SNTG2: variants seen among roughly 807,000 people sequenced by gnomAD.
SNTG2 encodes the protein gamma-2-syntrophin.
Under a neutral mutation model 70.9 loss-of-function variants are expected in SNTG2, and 74 were observed. The observed-to-expected ratio is 1.04, with a 90% CI of 0.86 to 1.27. The LOEUF (loss-of-function observed/expected upper bound fraction) is 1.27, where lower values mean the gene tolerates loss of function less well. Ranked by LOEUF, SNTG2 falls within the 50% of genes most tolerant of loss-of-function variation. The pLI is 0.00. For missense variants in SNTG2, 717 were observed against 690.7 expected (o/e 1.04, Z -0.43); for synonymous variants, 278 against 273.8 (o/e 1.02, Z -0.15).
intron 9 of SNTG2, 108 bp from the exon 10 acceptor site, chr2:1,237,780 T>C (rs1676764832): frequency 2.9e-6 from 4 of 1,388,348 alleles, no homozygotes; most frequent in Non-Finnish European, 3.8e-6. Flanking sequence ...AGTTGCCCCA[T>C]GTCCTGGGTC....
At chr2:1,114,851 C>T (rs912400286) in intron 4 of SNTG2, among the ~76,000 whole-genome samples, 1 of 151,104 alleles carries the variant, frequency 6.6e-6, no homozygotes, top group African/African-American at 2.4e-5. Flanking sequence ...AAGGTTTAAC[C>T]CTTATAGTCC....
At chr2:1,300,184 C>T (rs1457347932) in intron 14 of SNTG2, among the ~76,000 whole-genome samples, 4 of 152,090 alleles carry the variant, frequency 2.6e-5, no homozygotes, top group African/African-American at 9.7e-5. Context: ...AAGACAGGTG[C>T]CTTAAATGAG....
chr2:993,568 C>A (rs1173513374), intron 1 of SNTG2, among the ~76,000 whole-genome samples: 1 of 152,038 alleles, frequency 6.6e-6, no homozygotes, highest in Non-Finnish European at 1.5e-5. Flanking sequence ...TCATTATTTT[C>A]AAAACTCCTA....
chr2:1,067,238 G>A (rs867281136), intron 1 of SNTG2, among the ~76,000 whole-genome samples: 3 of 152,020 alleles, frequency 2.0e-5, no homozygotes, highest in East Asian at 3.9e-4. Context: ...CCAACAATGC[G>A]GAAACTGCTA....
chr2:1,178,898 C>G (rs1217241516), intron 8 of SNTG2, among the ~76,000 whole-genome samples: 2 of 152,052 alleles, frequency 1.3e-5, no homozygotes, highest in African/African-American at 4.8e-5. Flanking sequence ...CTCCTTGTAC[C>G]TCTGGTAGAA....
At chr2:1,046,385 T>C (rs559351784) in intron 1 of SNTG2, among the ~76,000 whole-genome samples, 1 of 152,166 alleles carries the variant, frequency 6.6e-6, no homozygotes, top group Non-Finnish European at 1.5e-5. Context: ...ATGTGCTGGT[T>C]CGATCCTGTC....
chr2:1,019,331 AG>A (rs1409534711), intron 1 of SNTG2, among the ~76,000 whole-genome samples: 1 of 152,220 alleles, frequency 6.6e-6, no homozygotes, highest in Non-Finnish European at 1.5e-5. Context: ...GAGAGGGACT[AG>A]TGATTCCAAA....
chr2:1,267,430 T>C lies in SNTG2; in HGVS notation c.1143T>C (p.Phe381=), dbSNP rs765847846. Residue 381 remains phenylalanine, a synonymous_variant, in exon 14 of 17, where the codon TTT becomes TTC. Coordinates refer to ENST00000308624, the MANE Select transcript of SNTG2 (RefSeq NM_018968.4). ...NLYLGLQDFD[F]EDQRPYCFSI... is the part of the protein sequence containing the mutation. ...ATCTGGGTCTTCAAGATTTTGACTT[T>C]GAGGACCAGAGGCCCTATTGCTTCA... The C allele has an allele frequency of 1.2e-6, 2 of 1,612,444 alleles. No homozygotes were observed. The highest frequency in any genetic ancestry group is 2.2e-5 in the East Asian group (1 of 44,874).
intron 1 of SNTG2, among the ~76,000 whole-genome samples, chr2:983,206 T>TTGGGATGAAGAAGTTG: frequency 6.7e-6 from 1 of 148,714 alleles, no homozygotes; most frequent in Non-Finnish European, 1.5e-5. Context: ...GAGGTGGTGG[T>TTGGGATGAAGAAGTTG]CAGGATGCAG....
intron 14 of SNTG2, among the ~76,000 whole-genome samples, chr2:1,267,961 G>A (rs1678837102): frequency 6.6e-6 from 1 of 152,220 alleles, no homozygotes; most frequent in African/African-American, 2.4e-5. Flanking sequence ...TTACTTGGAT[G>A]TTTGTAATAT....
chr2:1,304,697 G>A (rs928061886), intron 14 of SNTG2, among the ~76,000 whole-genome samples: 1 of 149,756 alleles, frequency 6.7e-6, no homozygotes, highest in African/African-American at 2.5e-5. Context: ...CTGCACTCCA[G>A]CCTGGGCAAT....
chr2:1,194,032 T>G (rs941851924), intron 8 of SNTG2, among the ~76,000 whole-genome samples: 1 of 152,256 alleles, frequency 6.6e-6, no homozygotes, highest in Non-Finnish European at 1.5e-5. Context: ...AGATGAGGTA[T>G]GCACTGGACC....
At chr2:1,297,566 G>T (rs547869950) in intron 14 of SNTG2, among the ~76,000 whole-genome samples, 1 of 149,404 alleles carries the variant, frequency 6.7e-6, no homozygotes, top group East Asian at 2.0e-4. Context: ...CCAGCCCGGC[G>T]CCTCTACAGC....
chr2:1,304,283 G>A (rs1447983747), intron 14 of SNTG2, among the ~76,000 whole-genome samples: 1 of 152,158 alleles, frequency 6.6e-6, no homozygotes, highest in African/African-American at 2.4e-5. Context: ...CAGGCTGCTT[G>A]CTTTACTGCC....
rs532231219 is a variant in SNTG2 at position 1,229,143 on chromosome 2, G to A, written c.720-8745G>A. On this transcript the variant is annotated intron_variant, in intron 9 of 16. Coordinates refer to ENST00000308624, the MANE Select transcript of SNTG2 (RefSeq NM_018968.4). The stretch of plus-strand genomic sequence containing the variant: ...AGCTTCCACAGTGTGGAAGGGGACC[G>A]GAGCGGGTTGCCACTGCTGGCTTGG... 1.2e-4 allele frequency among the ~76,000 whole-genome samples: 18 copies of A among 152,256 alleles called. No individual in the cohort carries two copies. In the Middle Eastern group the frequency reaches 0.014, roughly 116 times the overall value.
At position 961,579 on chromosome 2, in the gene SNTG2, T is replaced by C. The variant is rs114089104; in HGVS notation, c.72+10511T>C. The stretch of plus-strand genomic sequence containing the variant: ...CTCAATTATTGGGTTTTCTGCAATA[T>C]CTTTTAATGGAGCATTTTATTCTTT... On this transcript the variant is annotated intron_variant, in intron 1 of 16. Transcript: ENST00000308624. Among the ~76,000 whole-genome samples the C allele has an allele frequency of 7.3e-3, 1,115 of 152,364 alleles. 18 individuals are homozygous for C. Among genetic ancestry groups the C allele is most frequent in the African/African-American group, 0.025 (1,057 of 41,568 alleles).
chr2:1,364,123 A>G (rs1396130000), intron 16 of SNTG2, among the ~76,000 whole-genome samples: 2 of 146,392 alleles, frequency 1.4e-5, no homozygotes, highest in Non-Finnish European at 3.0e-5. Context: ...GGCACCTGCC[A>G]CCATGCCCAG....
rs188581246 is a variant in SNTG2 at position 986,874 on chromosome 2, C to T, written c.72+35806C>T. Among the ~76,000 whole-genome samples the T allele has an allele frequency of 1.2e-4, 18 of 152,264 alleles. No individual in the cohort carries two copies. The South Asian group carries it at 1.2e-3, about 11-fold the overall frequency. On this transcript the variant is annotated intron_variant, in intron 1 of 16. Coordinates refer to ENST00000308624, the MANE Select transcript of SNTG2 (RefSeq NM_018968.4). ...TTAGCAATTTTAGAGTACATAACTA[C>T]GGGCTAAATTTTATAGAATATTCTC...
intron 16 of SNTG2, among the ~76,000 whole-genome samples, chr2:1,335,713 C>T (rs1659786427): frequency 1.3e-5 from 2 of 152,020 alleles, no homozygotes; most frequent in South Asian, 4.2e-4. Context: ...CACCGAGAAA[C>T]CACGTGAGGC....
Sources: allele counts gnomAD v4.1 joint callset (sites outside exome capture counted in the v4.1 genomes callset), GRCh38; gene constraint gnomAD v4.1.1; transcripts MANE v1.5; gene names NCBI Gene and HGNC (gene_info 2026-07-23, HGNC 2026-07-21).